PI4KA: variants seen among roughly 807,000 people sequenced by gnomAD.
PI4KA encodes PI4-kinase alpha.
In PI4KA, 122 loss-of-function variants were observed where a neutral mutation model predicts 271.4. That is an observed-to-expected ratio of 0.45 (90% CI 0.39 to 0.52). The LOEUF is 0.52. Ranked by LOEUF, PI4KA falls within the 20% of genes least tolerant of loss-of-function variation. The pLI is 0.00. For synonymous variants in PI4KA, 1,041 were observed against 1,078.8 expected (o/e 0.96, Z 0.69); for missense variants, 1,969 against 2,769.1 (o/e 0.71, Z 6.48).
intron 52 of PI4KA, 21 bp downstream of exon 52, chr22:20,710,678 C>A: frequency 1.2e-6 from 2 of 1,613,982 alleles, no homozygotes; most frequent in Non-Finnish European, 1.7e-6. Flanking sequence ...CGCCTCCACC[C>A]TGGCCCTCAC....
At chr22:20,771,685 G>C (rs1569013373) in intron 19 of PI4KA, among the ~76,000 whole-genome samples, 2 of 151,820 alleles carry the variant, frequency 1.3e-5, no homozygotes, top group South Asian at 2.1e-4. Context: ...AGGTTCAAGC[G>C]ATTGTCCTGC....
chr22:20,716,794 C>T (rs1012082019), intron 45 of PI4KA, among the ~76,000 whole-genome samples: 1 of 152,240 alleles, frequency 6.6e-6, no homozygotes, highest in Non-Finnish European at 1.5e-5. Flanking sequence ...CATGTCCTGC[C>T]CTCTCTGGGA....
intron 32 of PI4KA, among the ~76,000 whole-genome samples, chr22:20,735,629 G>T (rs1928619885): frequency 6.6e-6 from 1 of 152,132 alleles, no homozygotes. Context: ...TTTGCACTCT[G>T]TCCTTGTCTT....
rs1429401330 is a variant in PI4KA, at chr22:20,858,518, G to A, written c.156+52C>T. The A allele has an allele frequency of 1.6e-5, 20 of 1,246,346 alleles. No homozygotes were observed. The Admixed American group carries it at 5.7e-4, about 35-fold the overall frequency. 77.2% of individuals were successfully genotyped at this position (1,246,346 alleles called of 1,614,324 possible). ...GACCCTCGTCCCGCCTCCACGCTTC[G>A]TCACCCCAGCCCCTCCTCCTGTCAG... On this transcript the variant is annotated intron_variant, in intron 1 of 54. Transcript: ENST00000255882.
At chr22:20,825,188 C>T (rs781537694) in intron 3 of PI4KA, among the ~76,000 whole-genome samples, 32 of 151,918 alleles carry the variant, frequency 2.1e-4, no homozygotes, top group Non-Finnish European at 4.6e-4. Context: ...TCTACTCCAG[C>T]ACTTAAAATT....
chr22:20,714,772 C>G lies in PI4KA; in HGVS notation c.5318-72G>C, dbSNP rs1258393893. 5 of 1,535,550 alleles carry G rather than the reference C, an allele frequency of 3.3e-6. No homozygotes were observed. In the African/African-American group the frequency reaches 4.1e-5, roughly 13 times the overall value. On this transcript the variant is annotated intron_variant, in intron 45 of 54. Coordinates refer to ENST00000255882, the MANE Select transcript of PI4KA (RefSeq NM_058004.4). ...GGTGAGCCAGAGTCAGTTTCCAACA[C>G]GGATGTTACATGCGTGTCCACCCTG...
chr22:20,721,064 C>T (rs927599765), intron 43 of PI4KA, among the ~76,000 whole-genome samples: 4 of 152,212 alleles, frequency 2.6e-5, no homozygotes, highest in South Asian at 2.1e-4. Context: ...AAGGGTCTCA[C>T]TCGCACTTGG....
chr22:20,857,999 C>T (rs1927818874), intron 1 of PI4KA, among the ~76,000 whole-genome samples: 1 of 152,196 alleles, frequency 6.6e-6, no homozygotes, highest in African/African-American at 2.4e-5. Context: ...ATCTTTTACC[C>T]AACCTAACGC....
chr22:20,721,510 C>A (rs1369821181), intron 42 of PI4KA, 92 bp from the exon 43 acceptor site: 5 of 1,420,586 alleles, frequency 3.5e-6, no homozygotes, highest in Non-Finnish European at 4.0e-6. Flanking sequence ...ATTTGGTAGA[C>A]CAGGCAAGGG....
intron 29 of PI4KA, among the ~76,000 whole-genome samples, chr22:20,746,269 G>A (rs3928985): frequency 0.042 from 6,328 of 151,332 alleles, 234 homozygotes; most frequent in African/African-American, 0.1. Flanking sequence ...TCACCGTGTT[G>A]GCCAGGATGG....
chr22:20,757,026 G>A (rs1260936544), intron 23 of PI4KA, among the ~76,000 whole-genome samples: 1 of 152,160 alleles, frequency 6.6e-6, no homozygotes, highest in East Asian at 1.9e-4. Context: ...AGGATGGTGG[G>A]CAGGTGAGCA....
In PI4KA at chr22:20,754,830, C is replaced by A. The variant is rs1931101225; in HGVS notation, c.2792-1650G>T. On this transcript the variant is annotated intron_variant, in intron 23 of 54. Transcript: ENST00000255882. The stretch of plus-strand genomic sequence containing the variant: ...AGGCATGGTAGCGTGCCACTGTAAT[C>A]CCAGCTACTTGGGAGGCTGAGGCAG... 1.3e-5 allele frequency among the ~76,000 whole-genome samples: 2 copies of A among 152,198 alleles called. 1 individual carries two copies. Among genetic ancestry groups the A allele is most frequent in the South Asian group, 4.1e-4 (2 of 4,832 alleles).
intron 41 of PI4KA, among the ~76,000 whole-genome samples, chr22:20,726,970 C>T (rs946865104): frequency 3.3e-5 from 5 of 152,124 alleles, no homozygotes; most frequent in Non-Finnish European, 7.4e-5. Context: ...ACAGCTGCCG[C>T]GCCGCCTCGT....
In PI4KA at chr22:20,712,524, G is replaced by A. The variant is rs1291120894; in HGVS notation, c.5764C>T (p.Arg1922Cys). The A allele has an allele frequency of 1.2e-6, 2 of 1,603,002 alleles. No homozygotes were observed. Among genetic ancestry groups the A allele is most frequent in the Non-Finnish European group, 1.7e-6 (2 of 1,175,898 alleles). ...AGAGTGGACTCATCCCCGTACTGGC[G>A]TGTGAAGTAGTCGTACATGCCGAAG... Reference protein sequence around the residue: ...TDFGMYDYFTRQYGDESTLAF... With the variant: ...TDFGMYDYFTCQYGDESTLAF... Residue 1922 changes from arginine (R) to cysteine (C), a missense_variant, in exon 50 of 55, where the codon CGC becomes TGC. By Grantham distance (180) the Arg-to-Cys change is radical. Coordinates refer to ENST00000255882, the MANE Select transcript of PI4KA (RefSeq NM_058004.4).
In PI4KA at chr22:20,707,774, A is replaced by G. The variant is rs1377347959; in HGVS notation, c.*273T>C. The G allele has an allele frequency of 9.2e-6, 5 of 545,472 alleles. No homozygotes were observed. The Admixed American group carries it at 1.3e-4, about 14-fold the overall frequency. 33.8% of individuals were successfully genotyped at this position (545,472 alleles called of 1,614,324 possible). The stretch of plus-strand genomic sequence containing the variant: ...TTTTTTTATACACAATACTTCATGT[A>G]CCTATGAAATAAGACAGGTAGGGAA... On this transcript the variant is annotated 3_prime_UTR_variant, in exon 55 of 55. Transcript: ENST00000255882.
intron 10 of PI4KA, among the ~76,000 whole-genome samples, chr22:20,806,239 G>A (rs779516906): frequency 2.0e-4 from 31 of 152,226 alleles, no homozygotes; most frequent in Non-Finnish European, 2.9e-4. Flanking sequence ...ACACTCAACA[G>A]TGTGAGGGGA....
chr22:20,848,085 A>G (rs1926493736), intron 1 of PI4KA, among the ~76,000 whole-genome samples: 1 of 152,094 alleles, frequency 6.6e-6, no homozygotes, highest in Non-Finnish European at 1.5e-5. Context: ...TAAAAATACA[A>G]AAATTAGCCG....
At position 20,751,286 on chromosome 22, in the gene PI4KA, G is replaced by C; in HGVS notation, c.3153+7C>G. On this transcript the variant is annotated splice_region_variant and intron_variant, in intron 27 of 54. Coordinates refer to ENST00000255882, the MANE Select transcript of PI4KA (RefSeq NM_058004.4). The stretch of plus-strand genomic sequence containing the variant: ...GCCCTTAGTGCAGGGGATCGTGTCG[G>C]GCCTACCTCACGGGCTTCGTACGTG... 6.2e-7 allele frequency: 1 copy of C among 1,611,702 alleles called. No homozygotes were observed. Among genetic ancestry groups the C allele is most frequent in the Non-Finnish European group, 8.5e-7 (1 of 1,177,938 alleles).
intron 32 of PI4KA, among the ~76,000 whole-genome samples, chr22:20,739,888 C>T (rs887472439): frequency 1.3e-5 from 2 of 151,748 alleles, no homozygotes; most frequent in Non-Finnish European, 2.9e-5. Flanking sequence ...CATGGTGAAA[C>T]CCTGTCTGTA....
Sources: gnomAD v4.1 joint callset for allele counts (sites outside exome capture counted in the v4.1 genomes callset) on GRCh38, gnomAD v4.1.1 for gene constraint, MANE v1.5 for transcripts, NCBI Gene and HGNC (gene_info 2026-07-23, HGNC 2026-07-21) for gene names.